Variants in ZNF536 observed in about 807,000 individuals in gnomAD.
ZNF536 encodes zinc finger protein 536.
In ZNF536, 13 loss-of-function variants were observed where a neutral mutation model predicts 84.5. That is an observed-to-expected ratio of 0.15 (90% confidence interval 0.10 to 0.24). The LOEUF (loss-of-function observed/expected upper bound fraction) is 0.24. Among genes scored for constraint, ZNF536 ranks in the 10% least tolerant of loss-of-function variants. ZNF536 has a pLI of 1.00. For missense variants in ZNF536, 1,536 were observed against 1,747.5 expected (o/e 0.88, Z 2.16); for synonymous variants, 811 against 742.5 (o/e 1.09, Z -1.50).
intron 2 of ZNF536, among the ~76,000 whole-genome samples, chr19:30,488,062 A>G (rs962030037): frequency 6.6e-6 from 1 of 151,852 alleles, no homozygotes; most frequent in Non-Finnish European, 1.5e-5. Context: ...AGCAGTTCCC[A>G]GGTTTCTAGG....
At chr19:30,598,258 T>C (rs150384744) in intron 1 of ZNF536, among the ~76,000 whole-genome samples, 51 of 152,212 alleles carry the variant, frequency 3.4e-4, no homozygotes, top group African/African-American at 1.2e-3. Flanking sequence ...TCTGTGAGAG[T>C]AGCCTCCCCA....
At chr19:30,485,682 C>G (rs2015983458) in intron 2 of ZNF536, among the ~76,000 whole-genome samples, 1 of 144,826 alleles carries the variant, frequency 6.9e-6, no homozygotes, top group African/African-American at 2.8e-5. Context: ...TTCTTGAACT[C>G]AGGAAGCAGG....
chr19:30,402,794 A>ATATATATATATATATAT (rs1555744970), intron 1 of ZNF536, among the ~76,000 whole-genome samples: 4 of 76,736 alleles, frequency 5.2e-5, no homozygotes, highest in Non-Finnish European at 1.2e-4. Context: ...TTAAAATTAA[A>ATATATATATATATATAT]AAATATATAT....
At chr19:30,696,356 AAGACTAAATGCACTCACCCAG>A (rs1280960396) in intron 1 of ZNF536, among the ~76,000 whole-genome samples, 1 of 152,218 alleles carries the variant, frequency 6.6e-6, no homozygotes, top group Admixed American at 6.5e-5. Flanking sequence ...CATTTCTTTA[AAGACTAAATGCACTCACCCAG>A]AGACAAACTC....
chr19:30,703,502 A>G (rs1046716427), intron 1 of ZNF536, among the ~76,000 whole-genome samples: 1 of 152,170 alleles, frequency 6.6e-6, no homozygotes, highest in Non-Finnish European at 1.5e-5. Flanking sequence ...TCCCAGTGAA[A>G]TGCACCTGTT....
rs536276573 is a variant in ZNF536, at chr19:30,377,587, C to T, written c.-3+5031C>T. 5.9e-5 allele frequency among the ~76,000 whole-genome samples: 9 copies of T among 152,110 alleles called. 1 individual carries two copies. Among genetic ancestry groups the T allele is most frequent in the East Asian group, 1.9e-4 (1 of 5,172 alleles). On this transcript the variant is annotated intron_variant, in intron 1 of 4. Coordinates refer to ENST00000355537, the MANE Select transcript of ZNF536 (RefSeq NM_014717.3). ...ATGAGTCCACCCTAGGTCCAATGCT[C>T]GTATATATAGGATAAAAAAGATCAT...
chr19:30,639,234 C>A (rs550585733), intron 1 of ZNF536, among the ~76,000 whole-genome samples: 2 of 152,262 alleles, frequency 1.3e-5, no homozygotes, highest in East Asian at 3.8e-4. Context: ...TGTGAACCAC[C>A]CACGTCATTT....
chr19:30,585,884 A>G (rs1250935380), intron 1 of ZNF536, among the ~76,000 whole-genome samples: 2 of 152,214 alleles, frequency 1.3e-5, no homozygotes, highest in African/African-American at 4.8e-5. Flanking sequence ...TGTCTGTACC[A>G]CATAACTTGA....
At chr19:30,571,661 T>C (rs1038685853) in intron 1 of ZNF536, among the ~76,000 whole-genome samples, 1 of 152,152 alleles carries the variant, frequency 6.6e-6, no homozygotes, top group Non-Finnish European at 1.5e-5. Context: ...CTCCTGCTTC[T>C]CTGTGACCTT....
At chr19:30,229,228 C>T (rs1398289425) in intron 1 of ZNF536, among the ~76,000 whole-genome samples, 3 of 152,080 alleles carry the variant, frequency 2.0e-5, no homozygotes, top group African/African-American at 7.2e-5. Context: ...CTTCCCCCAG[C>T]ATCATTTATT....
At chr19:30,532,724 C>T (rs895197944) in intron 2 of ZNF536, among the ~76,000 whole-genome samples, 9 of 152,190 alleles carry the variant, frequency 5.9e-5, no homozygotes, top group Non-Finnish European at 1.0e-4. Context: ...AAGGAGATGG[C>T]CTTGCCACTG....
At chr19:30,277,226 TGTGCACATG>T (rs1366996172) in intron 1 of ZNF536, among the ~76,000 whole-genome samples, 1 of 152,202 alleles carries the variant, frequency 6.6e-6, no homozygotes, top group Non-Finnish European at 1.5e-5. Context: ...ACACTGTTGA[TGTGCACATG>T]GATTTGTTTA....
At chr19:30,606,249 A>T (rs1360356223) in intron 1 of ZNF536, among the ~76,000 whole-genome samples, 54 of 49,662 alleles carry the variant, frequency 1.1e-3, no homozygotes, top group African/African-American at 1.7e-3. Flanking sequence ...AAATAAAATA[A>T]AATAAATAAA....
At chr19:30,459,594 A>G (rs993241474) in intron 2 of ZNF536, among the ~76,000 whole-genome samples, 4 of 151,872 alleles carry the variant, frequency 2.6e-5, no homozygotes, top group African/African-American at 9.7e-5. Flanking sequence ...CAAGTGACCC[A>G]CCTGCCTTGG....
chr19:30,330,315 C>T (rs551930579), intron 2 of ZNF536, among the ~76,000 whole-genome samples: 16 of 152,240 alleles, frequency 1.1e-4, no homozygotes, highest in African/African-American at 3.9e-4. Flanking sequence ...GTTGTGGAAC[C>T]GAGGCAGAAA....
At chr19:30,338,518 G>T (rs1228314088) in intron 2 of ZNF536, among the ~76,000 whole-genome samples, 2 of 152,054 alleles carry the variant, frequency 1.3e-5, no homozygotes, top group Non-Finnish European at 2.9e-5. Context: ...TGATGATGGT[G>T]CTGCTACTGC....
At chr19:30,256,998 C>A (rs1018093796) in intron 1 of ZNF536, among the ~76,000 whole-genome samples, 1 of 152,136 alleles carries the variant, frequency 6.6e-6, no homozygotes, top group African/African-American at 2.4e-5. Flanking sequence ...GAATTCAGAT[C>A]TTAAAAGACC....
At chr19:30,534,728 G>T (rs2044996497) in intron 2 of ZNF536, 119 bp from the exon 3 acceptor site, 4 of 1,027,482 alleles carry the variant, frequency 3.9e-6, no homozygotes, top group Non-Finnish European at 4.1e-6. Flanking sequence ...CAGATTTAAA[G>T]AATGAAATAG....
downstream of ZNF536, chr19:30,558,070 G>A (rs1340100598): frequency 6.6e-6 from 1 of 152,118 alleles, no homozygotes; most frequent in Non-Finnish European, 1.5e-5. Flanking sequence ...GTGCAGTTTG[G>A]AGTCATTATG....
Sources: gnomAD v4.1 joint callset for allele counts (sites outside exome capture counted in the v4.1 genomes callset) on GRCh38, gnomAD v4.1.1 for gene constraint, MANE v1.5 for transcripts, NCBI Gene and HGNC (gene_info 2026-07-23, HGNC 2026-07-21) for gene names.